The following HTR2C variants were observed in gnomAD, a reference collection of about 807,000 sequenced individuals.
The protein encoded by HTR2C is 5-hydroxytryptamine receptor 2C.
HTR2C carries 5 observed loss-of-function variants against 21.0 expected under a neutral mutation model. The observed-to-expected ratio is 0.24, with a 90% CI of 0.12 to 0.50. The LOEUF (loss-of-function observed/expected upper bound fraction) is 0.50. Ranked by LOEUF, HTR2C falls within the 20% of genes least tolerant of loss-of-function variation. The probability of loss-of-function intolerance (pLI) is 0.98; values close to 1 mark genes in which losing one functional copy is unlikely to be tolerated. For synonymous variants in HTR2C, 150 were observed against 145.3 expected, an observed-to-expected ratio of 1.03 and a Z score of -0.23; for missense variants, 271 against 371.2, an observed-to-expected ratio of 0.73 and a Z score of 2.22.
At chrX:114,629,066 A>G (rs1756400615) in intron 2 of HTR2C, among the ~76,000 whole-genome samples, 1 of 112,093 alleles carries the variant, frequency 8.9e-6, no homozygotes, top group Admixed American at 9.5e-5. Context: ...TTTTATATTT[A>G]TATCTGTGAA....
At chrX:114,843,934 C>CA (rs1437199663) in intron 4 of HTR2C, among the ~76,000 whole-genome samples, 2 of 110,001 alleles carry the variant, frequency 1.8e-5, no homozygotes, top group African/African-American at 3.3e-5. Context: ...AAAACAAAAA[C>CA]AAAAAATCAG....
chrX:114,737,229 CTTTT>C (rs200101973), intron 4 of HTR2C, among the ~76,000 whole-genome samples: 1 of 97,285 alleles, frequency 1.0e-5, no homozygotes, highest in Admixed American at 1.1e-4. Context: ...CTTTTCTTTT[CTTTT>C]TTTTTTTTTT....
At chrX:114,621,594 G>T (rs1556401733) in intron 2 of HTR2C, among the ~76,000 whole-genome samples, 1 of 111,959 alleles carries the variant, frequency 8.9e-6, no homozygotes, top group African/African-American at 3.2e-5. Flanking sequence ...CTGTTGTAGA[G>T]GCTGGAGGGG....
intron 2 of HTR2C, among the ~76,000 whole-genome samples, chrX:114,624,194 C>T (rs148572569): frequency 1.2e-3 from 135 of 110,660 alleles, no homozygotes; most frequent in African/African-American, 4.2e-3. Context: ...CCCCACCCAG[C>T]CCCAAAAGTT....
intron 5 of HTR2C, among the ~76,000 whole-genome samples, chrX:114,876,186 TCTTCA>T (rs1556478179): frequency 9.1e-6 from 1 of 110,255 alleles, no homozygotes; most frequent in Non-Finnish European, 1.9e-5. Flanking sequence ...TGGGATTTTT[TCTTCA>T]CTTATTTTTT....
chrX:114,757,465 C>T (rs1556430558), intron 4 of HTR2C, among the ~76,000 whole-genome samples: 2 of 111,475 alleles, frequency 1.8e-5, no homozygotes, highest in African/African-American at 6.5e-5. Flanking sequence ...CAAACAAAAA[C>T]AGGAGAACTC....
chrX:114,668,168 C>T (rs1931246130), intron 2 of HTR2C, among the ~76,000 whole-genome samples: 1 of 111,536 alleles, frequency 9.0e-6, no homozygotes, highest in African/African-American at 3.3e-5. Context: ...ATGACAAGTC[C>T]TGCCACTTTT....
At chrX:114,662,843 G>T (rs1556410394) in intron 2 of HTR2C, among the ~76,000 whole-genome samples, 2 of 111,394 alleles carry the variant, frequency 1.8e-5, no homozygotes, top group Non-Finnish European at 3.8e-5. Context: ...AAAATAAAAT[G>T]TATACAATAG....
chrX:114,886,516 G>A (rs1227885434), intron 5 of HTR2C, among the ~76,000 whole-genome samples: 1 of 109,581 alleles, frequency 9.1e-6, no homozygotes, highest in African/African-American at 3.3e-5. Flanking sequence ...TATTTCTTTA[G>A]TGGCAACTCT....
intron 2 of HTR2C, among the ~76,000 whole-genome samples, chrX:114,645,104 C>T (rs1264452789): frequency 9.0e-6 from 1 of 110,654 alleles, no homozygotes; most frequent in African/African-American, 3.3e-5. Flanking sequence ...TGTTTGAGGG[C>T]AGGGGGCAGA....
chrX:114,698,458 A>AC (rs1932351221), intron 2 of HTR2C, among the ~76,000 whole-genome samples: 2 of 9,905 alleles, frequency 2.0e-4, no homozygotes, highest in Admixed American at 2.3e-3. Context: ...ACACACACAC[A>AC]AACACACACA....
chrX:114,653,458 G>A (rs1023790124), intron 2 of HTR2C, among the ~76,000 whole-genome samples: 12 of 110,556 alleles, frequency 1.1e-4, no homozygotes, highest in Middle Eastern at 4.7e-3. Flanking sequence ...TAGGGAGAGT[G>A]TTAGGAGAAA....
chrX:114,833,084 C>T (rs2070744832), intron 4 of HTR2C, among the ~76,000 whole-genome samples: 1 of 90,120 alleles, frequency 1.1e-5, no homozygotes, highest in Non-Finnish European at 2.2e-5. Flanking sequence ...TTTTGATGTG[C>T]TGCTGGATTC....
intron 5 of HTR2C, among the ~76,000 whole-genome samples, chrX:114,899,276 T>C (rs2071319340): frequency 9.0e-6 from 1 of 111,390 alleles, no homozygotes; most frequent in African/African-American, 3.3e-5. Flanking sequence ...AACCAGTGGG[T>C]CTTATCTTGT....
intron 2 of HTR2C, among the ~76,000 whole-genome samples, chrX:114,649,253 A>G (rs1363727168): frequency 8.9e-6 from 1 of 112,473 alleles, no homozygotes; most frequent in African/African-American, 3.2e-5. Context: ...AATACTATTT[A>G]AATGTTATTC....
chrX:114,851,247 A>G (rs1449149130), intron 5 of HTR2C, among the ~76,000 whole-genome samples: 5 of 111,982 alleles, frequency 4.5e-5, no homozygotes, highest in Admixed American at 1.9e-4. Context: ...TGAAGAATAC[A>G]TATTCCCATC....
intron 4 of HTR2C, among the ~76,000 whole-genome samples, chrX:114,750,263 C>T (rs1556427664): frequency 9.0e-6 from 1 of 111,670 alleles, no homozygotes; most frequent in African/African-American, 3.2e-5. Context: ...AACACTGAAC[C>T]TCTAACTGTC....
chrX:114,717,379 A>G (rs1288964791), intron 2 of HTR2C, among the ~76,000 whole-genome samples: 2 of 112,518 alleles, frequency 1.8e-5, no homozygotes, highest in Non-Finnish European at 1.9e-5. Context: ...GGTCTATTCT[A>G]CAATTTAAAA....
intron 4 of HTR2C, among the ~76,000 whole-genome samples, chrX:114,809,789 A>T (rs2070514262): frequency 9.0e-6 from 1 of 111,031 alleles, no homozygotes; most frequent in Non-Finnish European, 1.9e-5. Context: ...CTGTTACCCA[A>T]GCTACAAGAC....
Sources: allele counts gnomAD v4.1 joint callset (sites outside exome capture counted in the v4.1 genomes callset), GRCh38; gene constraint gnomAD v4.1.1; transcripts MANE v1.5; gene names NCBI Gene and HGNC (gene_info 2026-07-23, HGNC 2026-07-21).